Variants in CLTA observed in about 807,000 individuals in gnomAD.
CLTA encodes the protein clathrin light chain A.
Under a neutral mutation model 26.9 loss-of-function variants are expected in CLTA, and 9 were observed. The ratio of observed to expected loss-of-function variants is 0.33; its 90% CI spans 0.20 to 0.58. The LOEUF is 0.58. Ranked by LOEUF, CLTA falls within the 20% of genes least tolerant of loss-of-function variation. CLTA has a pLI of 0.85. For synonymous variants in CLTA, 120 were observed against 115.5 expected (o/e 1.04, Z -0.25); for missense variants, 278 against 294.2 (o/e 0.94, Z 0.40).
intron 1 of CLTA, among the ~76,000 whole-genome samples, chr9:36,193,621 A>C (rs768263750): frequency 7.9e-6 from 1 of 125,944 alleles, no homozygotes; most frequent in Non-Finnish European, 1.6e-5. Context: ...GTACTGAGTA[A>C]ATTGAGGTTT....
intron 4 of CLTA, among the ~76,000 whole-genome samples, chr9:36,206,049 C>T (rs952823624): frequency 2.6e-5 from 4 of 152,062 alleles, no homozygotes; most frequent in East Asian, 3.9e-4. Flanking sequence ...CGTGAGCCAC[C>T]GCGCCTGGCC....
chr9:36,208,625 T>C (rs1233108803), intron 4 of CLTA, among the ~76,000 whole-genome samples: 1 of 151,986 alleles, frequency 6.6e-6, no homozygotes, highest in East Asian at 1.9e-4. Context: ...ACCCAGACAG[T>C]GTGGGGAAGC....
chr9:36,204,962 G>A (rs953871443), intron 4 of CLTA, among the ~76,000 whole-genome samples: 5 of 152,144 alleles, frequency 3.3e-5, no homozygotes, highest in Non-Finnish European at 1.5e-5. Context: ...GGGCCAGACC[G>A]AGCCTGGGGA....
chr9:36,203,014 G>A (rs1827505569), intron 3 of CLTA, among the ~76,000 whole-genome samples: 1 of 151,866 alleles, frequency 6.6e-6, no homozygotes, highest in Non-Finnish European at 1.5e-5. Context: ...TGTATTTTTA[G>A]TAGAGACGGG....
chr9:36,208,926 G>A (rs925567960), intron 4 of CLTA, among the ~76,000 whole-genome samples: 1 of 152,204 alleles, frequency 6.6e-6, no homozygotes, highest in Non-Finnish European at 1.5e-5. Flanking sequence ...AGGGTCATAG[G>A]TTGTTAACAG....
At chr9:36,201,032 G>A (rs974786205) in intron 3 of CLTA, among the ~76,000 whole-genome samples, 7 of 152,156 alleles carry the variant, frequency 4.6e-5, no homozygotes, top group Non-Finnish European at 1.0e-4. Context: ...CCAAGCTCTA[G>A]CAGTTTTTCT....
At position 36,195,912 on chromosome 9, in the gene CLTA, A is replaced by G. The variant is rs1587205822; in HGVS notation, c.218-1639A>G. 3.9e-5 allele frequency among the ~76,000 whole-genome samples: 6 copies of G among 152,064 alleles called. No individual in the cohort carries two copies. In the South Asian group the frequency reaches 1.2e-3, roughly 31 times the overall value. On this transcript the variant is annotated intron_variant, in intron 1 of 4. Coordinates refer to ENST00000345519, the MANE Select transcript of CLTA (RefSeq NM_001833.4). ...GAACCTGGGAGGCGGAGGTTGCAGCAAGCCGAGATCGCGCCAGTGTACTCT... is the reference window on the plus strand; with the variant it reads ...GAACCTGGGAGGCGGAGGTTGCAGCGAGCCGAGATCGCGCCAGTGTACTCT...
chr9:36,204,081 G>A lies in CLTA; in HGVS notation c.387G>A (p.Arg129=), dbSNP rs149517035. The A allele has an allele frequency of 6.9e-4, 1,119 of 1,614,058 alleles. 17 individuals carry two copies. The Admixed American group carries it at 0.018, about 26-fold the overall frequency. Residue 129 remains arginine (R), a synonymous_variant, in exon 4 of 5, where the codon CGG becomes CGA. Transcript: ENST00000345519. ...ERLEALDANS[R]KQEAEWKEKA... ...CTCCCTTCAAAGATGCCAATTCTCG[G>A]AAGCAAGAAGCAGAGTGGAAAGAAA...
At chr9:36,200,121 G>A (rs1827317320) in intron 3 of CLTA, among the ~76,000 whole-genome samples, 1 of 152,228 alleles carries the variant, frequency 6.6e-6, no homozygotes, top group Non-Finnish European at 1.5e-5. Flanking sequence ...ACTTGTGTCT[G>A]TACATGGTGG....
intron 1 of CLTA, among the ~76,000 whole-genome samples, chr9:36,195,860 C>T (rs576283105): frequency 2.3e-4 from 35 of 152,106 alleles, no homozygotes; most frequent in Admixed American, 1.0e-3. Context: ...CCCAGCTATT[C>T]GGGAGGCTGA....
In CLTA at chr9:36,191,104, T is replaced by G. The variant is rs1343990604; in HGVS notation, c.48T>G (p.Gly16=). 35 of 1,596,830 alleles carry G rather than the reference T, an allele frequency of 2.2e-5. No individual in the cohort carries two copies. Among genetic ancestry groups the G allele is most frequent in the Non-Finnish European group, 2.7e-5 (32 of 1,175,584 alleles). ...PFGAPAGAPG[G]PALGNGVAGA... is the part of the protein sequence containing the mutation. ...GCGCCCCTGCCGGCGCCCCTGGCGG[T>G]CCCGCGCTGGGGAACGGAGTGGCCG... The change falls in exon 1 of 5, where the codon GGT becomes GGG. Residue 16 remains glycine, a synonymous_variant. Coordinates refer to ENST00000345519, the MANE Select transcript of CLTA (RefSeq NM_001833.4).
intron 3 of CLTA, among the ~76,000 whole-genome samples, chr9:36,199,557 C>T (rs961386510): frequency 9.9e-5 from 15 of 151,070 alleles, no homozygotes; most frequent in Non-Finnish European, 1.9e-4. Flanking sequence ...TCACACCATT[C>T]TCCTGCCCTC....
chr9:36,191,559 A>G (rs1030136195), intron 1 of CLTA, among the ~76,000 whole-genome samples: 2 of 152,164 alleles, frequency 1.3e-5, no homozygotes, highest in Non-Finnish European at 2.9e-5. Context: ...GCAACTTTTC[A>G]TTAAGCATTT....
At chr9:36,207,465 C>T (rs1043446590) in intron 4 of CLTA, among the ~76,000 whole-genome samples, 1 of 152,150 alleles carries the variant, frequency 6.6e-6, no homozygotes, top group Non-Finnish European at 1.5e-5. Flanking sequence ...TTTCTGTGCC[C>T]ACTTTGAGGC....
At chr9:36,199,317 C>T (rs2132887427) in intron 3 of CLTA, among the ~76,000 whole-genome samples, 1 of 152,306 alleles carries the variant, frequency 6.6e-6, no homozygotes, top group South Asian at 2.1e-4. Context: ...GATCCTCTCA[C>T]AGGAAGAGCA....
At chr9:36,208,792 C>T (rs1452949588) in intron 4 of CLTA, among the ~76,000 whole-genome samples, 1 of 152,144 alleles carries the variant, frequency 6.6e-6, no homozygotes, top group Admixed American at 6.5e-5. Flanking sequence ...TAGAAAGAGC[C>T]CTGGACTTAG....
chr9:36,190,996 T>C lies in CLTA; in HGVS notation c.-61T>C. ...CCACAGCGGTGGCTGCCGGGCGTGG[T>C]GTCGGTGGGTCGGTTGGTTTTTGTC... On this transcript the variant is annotated 5_prime_UTR_variant, in exon 1 of 5. Coordinates refer to ENST00000345519, the MANE Select transcript of CLTA (RefSeq NM_001833.4). 6.8e-7 allele frequency: 1 copy of C among 1,467,682 alleles called. No individual in the cohort carries two copies. Among genetic ancestry groups the C allele is most frequent in the Non-Finnish European group, 8.9e-7 (1 of 1,119,940 alleles). 90.9% of individuals were successfully genotyped at this position (1,467,682 alleles called of 1,614,324 possible). A position where few individuals can be genotyped will look rare whatever the true frequency, so the allele number is the denominator to read the frequency against.
intron 3 of CLTA, among the ~76,000 whole-genome samples, chr9:36,199,729 C>T (rs1018477614): frequency 6.6e-6 from 1 of 152,130 alleles, no homozygotes; most frequent in Non-Finnish European, 1.5e-5. Context: ...GCTGGGATTA[C>T]AGGCGTGAGC....
At chr9:36,198,570 G>T (rs1827190893) in intron 2 of CLTA, among the ~76,000 whole-genome samples, 1 of 151,772 alleles carries the variant, frequency 6.6e-6, no homozygotes, top group South Asian at 2.1e-4. Flanking sequence ...CCAGCTACTG[G>T]GGAGGCTGAG....
Sources: gnomAD v4.1 joint callset for allele counts (sites outside exome capture counted in the v4.1 genomes callset) on GRCh38, gnomAD v4.1.1 for gene constraint, MANE v1.5 for transcripts, NCBI Gene and HGNC (gene_info 2026-07-23, HGNC 2026-07-21) for gene names.